Variants in BEND4 observed in about 807,000 individuals in gnomAD.
BEND4 encodes BEN domain containing 4.
In BEND4, 27 loss-of-function variants were observed where a neutral mutation model predicts 54.7. That is an observed-to-expected ratio of 0.49 (90% CI 0.36 to 0.68). The LOEUF is 0.68. Ranked by LOEUF, BEND4 falls within the 30% of genes least tolerant of loss-of-function variation. BEND4 has a pLI of 0.00. For synonymous variants in BEND4, 327 were observed against 299.5 expected (o/e 1.09, Z -0.95); for missense variants, 702 against 697.2 (o/e 1.01, Z -0.08).
intron 3 of BEND4, among the ~76,000 whole-genome samples, chr4:42,135,409 A>C (rs1334384968): frequency 1.3e-5 from 2 of 152,196 alleles, no homozygotes; most frequent in Non-Finnish European, 2.9e-5. Flanking sequence ...GTTTCCACTT[A>C]TTGAGTGCTT....
At chr4:42,130,288 A>G (rs563513138) in intron 3 of BEND4, among the ~76,000 whole-genome samples, 273 of 152,078 alleles carry the variant, frequency 1.8e-3, no homozygotes, top group African/African-American at 6.1e-3. Flanking sequence ...AGACCATCCC[A>G]GCTAACACGG....
chr4:42,135,249 A>G lies in BEND4; in HGVS notation c.1054+8179T>C, dbSNP rs192697988. Among the ~76,000 whole-genome samples the G allele has an allele frequency of 1.2e-4, 19 of 152,238 alleles. No homozygotes were observed. In the East Asian group the frequency reaches 3.3e-3, roughly 26 times the overall value. Reference sequence around the variant, plus strand: ...GAGGCTGATTGGGAGTCGGAAGGAGAGATGAGCTCTGGATGGATCTGAGGT... The same window carrying G: ...GAGGCTGATTGGGAGTCGGAAGGAGGGATGAGCTCTGGATGGATCTGAGGT... On this transcript the variant is annotated intron_variant, in intron 3 of 5. Coordinates refer to ENST00000502486, the MANE Select transcript of BEND4 (RefSeq NM_207406.4).
chr4:42,136,484 T>C (rs946686091), intron 3 of BEND4, among the ~76,000 whole-genome samples: 2 of 152,190 alleles, frequency 1.3e-5, no homozygotes, highest in Non-Finnish European at 2.9e-5. Context: ...CCAAAATGTA[T>C]TTGTAACCCC....
intron 3 of BEND4, among the ~76,000 whole-genome samples, chr4:42,131,368 G>A (rs754947801): frequency 1.4e-4 from 21 of 152,156 alleles, no homozygotes; most frequent in Admixed American, 3.9e-4. Flanking sequence ...AAGTGTTAAC[G>A]ATAATAGTTA....
In BEND4 at chr4:42,114,569, G is replaced by A. The variant is rs1297126784; in HGVS notation, c.*2949C>T. 1.3e-5 allele frequency: 2 copies of A among 152,190 alleles called. No homozygotes were observed. The highest frequency in any genetic ancestry group is 2.4e-5 in the African/African-American group (1 of 41,438). 9.4% of individuals were successfully genotyped at this position (152,190 alleles called of 1,614,324 possible). On this transcript the variant is annotated 3_prime_UTR_variant, in exon 6 of 6. Coordinates refer to ENST00000502486, the MANE Select transcript of BEND4 (RefSeq NM_207406.4). ...TGACATGACTAAGTTTCTTGTGAGA[G>A]CAATCTGTCCATTTGCCAGATAAAG...
intron 1 of BEND4, 68 bp downstream of exon 1, chr4:42,152,464 C>T (rs1022944079): frequency 6.2e-6 from 1 of 161,308 alleles, no homozygotes; most frequent in Non-Finnish European, 1.3e-5. Context: ...GCGCCGCAGC[C>T]GCCCGCGGGG....
chr4:42,120,040 G>C lies in BEND4; in HGVS notation c.1387+14C>G. On this transcript the variant is annotated intron_variant, in intron 5 of 5. Coordinates refer to ENST00000502486, the MANE Select transcript of BEND4 (RefSeq NM_207406.4). The stretch of plus-strand genomic sequence containing the variant: ...AGATCACAGATGGTGACACTGAGCG[G>C]AAGGATGCAGTACCTCGGAGGCATG... 6.2e-7 allele frequency: 1 copy of C among 1,613,948 alleles called. No individual in the cohort carries two copies. Among genetic ancestry groups the C allele is most frequent in the Non-Finnish European group, 8.5e-7 (1 of 1,179,878 alleles).
chr4:42,150,466 A>G (rs115705733), intron 2 of BEND4, among the ~76,000 whole-genome samples: 58 of 152,380 alleles, frequency 3.8e-4, no homozygotes, highest in African/African-American at 1.3e-3. Flanking sequence ...AAATATTGAC[A>G]AACAACAGAA....
chr4:42,113,863 G>A lies in BEND4; in HGVS notation c.*3655C>T, dbSNP rs1719684708. 6.6e-6 allele frequency: 1 copy of A among 152,130 alleles called. No individual in the cohort carries two copies. The highest frequency in any genetic ancestry group is 2.4e-5 in the African/African-American group (1 of 41,428). The allele number at this position is 152,130 out of a possible 1,614,324, so 9.4% of individuals were successfully genotyped here. A position where few individuals can be genotyped will look rare whatever the true frequency, so the allele number is the denominator to read the frequency against. ...CTACAAAAGGAGATAACAATTTTCT[G>A]CAAATGCTCTAATATTATCCTTACA... On this transcript the variant is annotated 3_prime_UTR_variant, in exon 6 of 6. Coordinates refer to ENST00000502486, the MANE Select transcript of BEND4 (RefSeq NM_207406.4).
At chr4:42,148,215 C>G (rs965032779) in intron 2 of BEND4, among the ~76,000 whole-genome samples, 1 of 152,110 alleles carries the variant, frequency 6.6e-6, no homozygotes, top group Non-Finnish European at 1.5e-5. Flanking sequence ...TTTGGAAGCA[C>G]CACCCTTGTC....
intron 3 of BEND4, among the ~76,000 whole-genome samples, chr4:42,141,904 C>T (rs1720899284): frequency 6.6e-6 from 1 of 151,918 alleles, no homozygotes; most frequent in Admixed American, 6.6e-5. Context: ...TGGGCACAAG[C>T]TTAAACATTT....
intron 4 of BEND4, among the ~76,000 whole-genome samples, chr4:42,123,189 T>G (rs1351558993): frequency 1.3e-5 from 2 of 152,200 alleles, no homozygotes; most frequent in African/African-American, 4.8e-5. Context: ...TGTTTTAGCA[T>G]AGTTAATAAG....
chr4:42,119,506 C>T (rs1719979172), intron 5 of BEND4, among the ~76,000 whole-genome samples: 5 of 152,134 alleles, frequency 3.3e-5, no homozygotes. Flanking sequence ...GCTATTAATA[C>T]TGCTGAAGTC....
At chr4:42,151,500 G>T (rs915290628) in intron 2 of BEND4, 157 bp downstream of exon 2, 1 of 740,060 alleles carries the variant, frequency 1.4e-6, no homozygotes, top group Non-Finnish European at 1.9e-6. Flanking sequence ...GAATCCTCTC[G>T]AAGTTTCCGG....
chr4:42,152,075 G>C lies in BEND4; in HGVS notation c.69C>G (p.Pro23=). ...SVPKIYKQRS[P]YSVLKTFPSK... is the part of the protein sequence containing the mutation. ...TGGGGAACGTCTTGAGGACGCTGTA[G>C]GGGCTGCGCTGCTTGTAGATTTTGG... Residue 23 remains proline, a synonymous_variant, in exon 2 of 6, where the codon CCC becomes CCG. Transcript: ENST00000502486. 1.6e-6 allele frequency: 2 copies of C among 1,250,948 alleles called. No individual in the cohort carries two copies. The highest frequency in any genetic ancestry group is 2.0e-6 in the Non-Finnish European group (2 of 989,468). The allele number at this position is 1,250,948 out of a possible 1,614,324, so 77.5% of individuals were successfully genotyped here. A position where few individuals can be genotyped will look rare whatever the true frequency, so the allele number is the denominator to read the frequency against.
chr4:42,127,615 A>C (rs1720337706), intron 3 of BEND4, among the ~76,000 whole-genome samples: 1 of 152,138 alleles, frequency 6.6e-6, no homozygotes, highest in South Asian at 2.1e-4. Flanking sequence ...TGATTGTGTG[A>C]CCTTGGGGAC....
At chr4:42,143,328 T>C (rs1226116507) in intron 3 of BEND4, 100 bp downstream of exon 3, 8 of 1,094,584 alleles carry the variant, frequency 7.3e-6, no homozygotes, top group Non-Finnish European at 1.1e-5. Flanking sequence ...CACACATACA[T>C]ATACACATAC....
chr4:42,150,171 CAGAA>C (rs1721213611), intron 2 of BEND4, among the ~76,000 whole-genome samples: 1 of 151,480 alleles, frequency 6.6e-6, no homozygotes, highest in Non-Finnish European at 1.5e-5. Context: ...GATCTCAAGC[CAGAA>C]AGAAAGAAAA....
At position 42,115,958 on chromosome 4, in the gene BEND4, A is replaced by G. The variant is rs1309342262; in HGVS notation, c.*1560T>C. On this transcript the variant is annotated 3_prime_UTR_variant, in exon 6 of 6. Coordinates refer to ENST00000502486, the MANE Select transcript of BEND4 (RefSeq NM_207406.4). The stretch of plus-strand genomic sequence containing the variant: ...ACAGATGACCACCTCCATAAACATT[A>G]AACTTTTCAATGGATGAATTCTAGT... 6.6e-6 allele frequency: 1 copy of G among 152,240 alleles called. No homozygotes were observed. Among genetic ancestry groups the G allele is most frequent in the Admixed American group, 6.5e-5 (1 of 15,288 alleles). 9.4% of individuals were successfully genotyped at this position (152,240 alleles called of 1,614,324 possible).
Sources: gnomAD v4.1 joint callset for allele counts (sites outside exome capture counted in the v4.1 genomes callset) on GRCh38, gnomAD v4.1.1 for gene constraint, MANE v1.5 for transcripts, NCBI Gene and HGNC (gene_info 2026-07-23, HGNC 2026-07-21) for gene names.